Variants in FAXC observed in about 807,000 individuals in gnomAD.
The protein encoded by FAXC is failed axon connections homolog, metaxin like GST domain containing.
FAXC carries 10 observed loss-of-function variants against 41.9 expected under a neutral mutation model. The ratio of observed to expected loss-of-function variants is 0.24; its 90% CI spans 0.15 to 0.41. FAXC has a LOEUF of 0.41. Ranked by LOEUF, FAXC falls within the 10% of genes least tolerant of loss-of-function variation. The pLI, the probability that FAXC is intolerant of heterozygous loss-of-function variation, is 1.00. For synonymous variants in FAXC, 183 were observed against 183.8 expected (o/e 1.00, Z 0.03); for missense variants, 399 against 510.9 (o/e 0.78, Z 2.11).
chr6:99,296,280 A>T (rs80146231), intron 4 of FAXC, among the ~76,000 whole-genome samples: 220 of 21,824 alleles, frequency 0.01, no homozygotes, highest in Non-Finnish European at 0.011. Context: ...TCTCACGACC[A>T]GGGGGTTTTG....
At chr6:99,293,263 T>C (rs1158031974) in intron 4 of FAXC, among the ~76,000 whole-genome samples, 1 of 152,182 alleles carries the variant, frequency 6.6e-6, no homozygotes, top group Non-Finnish European at 1.5e-5. Context: ...TCCTCCCTTA[T>C]CCTAGCAAAC....
chr6:99,281,274 C>T lies in FAXC; in HGVS notation c.1120G>A (p.Gly374Arg). 1 of 1,614,118 alleles carries T rather than the reference C, an allele frequency of 6.2e-7. No homozygotes were observed. Among genetic ancestry groups the T allele is most frequent in the South Asian group, 1.1e-5 (1 of 91,084 alleles). Residue 374 changes from glycine to arginine, a missense_variant, in exon 6 of 6, where the codon GGA becomes AGA. Gly to Arg is a moderately radical substitution (Grantham distance 125). Transcript: ENST00000389677. The part of the protein sequence containing the change: ...YSRTETFEDE[G>R]AENSFSRTPD... ...GTTCTGGAAAAACTGTTTTCTGCTC[C>T]CTCATCTTCAAAGGTCTCTGTCCTT... is the stretch of plus-strand genomic sequence containing the variant.
intron 4 of FAXC, among the ~76,000 whole-genome samples, chr6:99,308,202 C>G (rs1772003888): frequency 6.6e-6 from 1 of 152,148 alleles, no homozygotes; most frequent in Non-Finnish European, 1.5e-5. Flanking sequence ...GAGGCTGAGG[C>G]AGGAGAATTG....
At chr6:99,314,336 A>G (rs1772253727) in intron 4 of FAXC, among the ~76,000 whole-genome samples, 1 of 152,164 alleles carries the variant, frequency 6.6e-6, no homozygotes, top group African/African-American at 2.4e-5. Context: ...CACCATGCCT[A>G]TAATCCAAGC....
rs62423992 is a variant in FAXC at position 99,320,558 on chromosome 6, G to A, written c.823+2886C>T. Among the ~76,000 whole-genome samples the A allele has an allele frequency of 5.9e-3, 903 of 152,218 alleles. 5 individuals are homozygous for A. Among genetic ancestry groups the A allele is most frequent in the Non-Finnish European group, 9.2e-3 (625 of 68,018 alleles). ...CATCCCCCACAACATCAACAGAGCCGCTTTTCTAGATCACACATGCGGCTC... is the reference window on the plus strand; with the variant it reads ...CATCCCCCACAACATCAACAGAGCCACTTTTCTAGATCACACATGCGGCTC... On this transcript the variant is annotated intron_variant, in intron 4 of 5. Coordinates refer to ENST00000389677, the MANE Select transcript of FAXC (RefSeq NM_032511.4).
rs1157315531 is a variant in FAXC, at chr6:99,281,226, G to A, written c.1168C>T (p.His390Tyr). ...TCCACATCCGAATCAAAGAGTGAGT[G>A]TCCAGTAAAATCTGTGTCTGGGGTT... ...SRTPDTDFTG[H>Y]SLFDSDVDMD... Residue 390 changes from histidine to tyrosine, a missense_variant, in exon 6 of 6, where the codon CAC becomes TAC. By Grantham distance (83) the His-to-Tyr change is moderately conservative (BLOSUM62 2). Transcript: ENST00000389677. 6 of 1,605,698 alleles carry A rather than the reference G, an allele frequency of 3.7e-6. No homozygotes were observed. Among genetic ancestry groups the A allele is most frequent in the East Asian group, 2.2e-5 (1 of 44,850 alleles).
At chr6:99,301,505 C>G (rs1219956681) in intron 4 of FAXC, among the ~76,000 whole-genome samples, 1 of 152,168 alleles carries the variant, frequency 6.6e-6, no homozygotes, top group Non-Finnish European at 1.5e-5. Flanking sequence ...AAGAAGAAAA[C>G]AAAGTGAATA....
At chr6:99,284,741 C>T (rs933782508) in intron 5 of FAXC, among the ~76,000 whole-genome samples, 1 of 152,000 alleles carries the variant, frequency 6.6e-6, no homozygotes, top group Non-Finnish European at 1.5e-5. Flanking sequence ...GGCGAAACCC[C>T]ATCTCTACTA....
Position 99,281,460 on chromosome 6 carries a change from T to C in FAXC, c.941-7A>G, listed in dbSNP as rs1222060187. 2 of 1,605,190 alleles carry C rather than the reference T, an allele frequency of 1.2e-6. No individual in the cohort carries two copies. The highest frequency in any genetic ancestry group is 1.1e-5 in the South Asian group (1 of 90,508). The stretch of plus-strand genomic sequence containing the variant: ...GCAAGGTTGATCAGCTCACCTGCAG[T>C]GTGGTAAGGAAAGCAAGGATTAGTT... On this transcript the variant is annotated splice_polypyrimidine_tract_variant and splice_region_variant and intron_variant, in intron 5 of 5. Transcript: ENST00000389677.
chr6:99,336,082 TA>T (rs898777362), intron 2 of FAXC, among the ~76,000 whole-genome samples: 4 of 151,746 alleles, frequency 2.6e-5, no homozygotes, highest in Non-Finnish European at 5.9e-5. Flanking sequence ...ATTTTTAAAA[TA>T]AAAAAAAATT....
At chr6:99,304,809 C>A (rs1771850322) in intron 4 of FAXC, among the ~76,000 whole-genome samples, 1 of 152,072 alleles carries the variant, frequency 6.6e-6, no homozygotes, top group Non-Finnish European at 1.5e-5. Flanking sequence ...GGGAGGAGGT[C>A]AGGAAGAACC....
At chr6:99,289,312 G>T (rs4840027) in intron 5 of FAXC, among the ~76,000 whole-genome samples, 83 of 152,036 alleles carry the variant, frequency 5.5e-4, no homozygotes, top group Non-Finnish European at 5.9e-5. Context: ...GATGCTCCTC[G>T]ACTTACGTGG....
At chr6:99,323,387 C>T in intron 4 of FAXC, 57 bp downstream of exon 4, 2 of 1,457,530 alleles carry the variant, frequency 1.4e-6, no homozygotes, top group Non-Finnish European at 1.9e-6. Flanking sequence ...CAGTGTTTTA[C>T]TAATCATGCA....
chr6:99,290,121 A>T (rs1771178468), intron 5 of FAXC, among the ~76,000 whole-genome samples: 1 of 151,384 alleles, frequency 6.6e-6, no homozygotes, highest in East Asian at 1.9e-4. Flanking sequence ...ACACACACAC[A>T]CACACACACA....
At chr6:99,324,882 C>T (rs1772736119) in intron 3 of FAXC, among the ~76,000 whole-genome samples, 2 of 152,022 alleles carry the variant, frequency 1.3e-5, no homozygotes, top group Admixed American at 1.3e-4. Flanking sequence ...CAGTAATGGC[C>T]ACTTCAAAAA....
At chr6:99,281,820 C>T (rs1024278871) in intron 5 of FAXC, among the ~76,000 whole-genome samples, 4 of 152,176 alleles carry the variant, frequency 2.6e-5, no homozygotes, top group African/African-American at 9.7e-5. Context: ...CCAGACTTTT[C>T]CAGACTCCAC....
Position 99,273,490 on chromosome 6 carries a change from A to G in FAXC, c.*7674T>C, listed in dbSNP as rs1168919579. On this transcript the variant is annotated 3_prime_UTR_variant, in exon 6 of 6. Coordinates refer to ENST00000389677, the MANE Select transcript of FAXC (RefSeq NM_032511.4). ...CCTACTTTCTTTTCTTGTTTTGCTTACCTCAGTGTGTTGTTAAATCTTTCT... is the reference window on the plus strand; with the variant it reads ...CCTACTTTCTTTTCTTGTTTTGCTTGCCTCAGTGTGTTGTTAAATCTTTCT... The G allele has an allele frequency of 6.7e-6, 1 of 149,560 alleles. No homozygotes were observed. The highest frequency in any genetic ancestry group is 2.5e-5 in the African/African-American group (1 of 40,382). 9.3% of individuals were successfully genotyped at this position (149,560 alleles called of 1,614,324 possible). A position where few individuals can be genotyped will look rare whatever the true frequency, so the allele number is the denominator to read the frequency against.
At chr6:99,283,980 G>A (rs757156699) in intron 5 of FAXC, 5 of 152,176 alleles carry the variant, frequency 3.3e-5, no homozygotes, top group Non-Finnish European at 7.3e-5. Context: ...TCCAGAAGAG[G>A]TGTCTGCTCT....
intron 5 of FAXC, 106 bp from the exon 6 acceptor site, chr6:99,281,559 A>C: frequency 5.5e-6 from 5 of 904,582 alleles, no homozygotes; most frequent in Non-Finnish European, 8.7e-6. Context: ...CTGACTCCCA[A>C]TGTGATGGTC....
Sources: allele counts gnomAD v4.1 joint callset (sites outside exome capture counted in the v4.1 genomes callset), GRCh38; gene constraint gnomAD v4.1.1; transcripts MANE v1.5; gene names NCBI Gene and HGNC (gene_info 2026-07-23, HGNC 2026-07-21).